The following HK1 variants were observed in gnomAD, a reference collection of about 807,000 sequenced individuals.
The protein encoded by HK1 is hexokinase-1.
A neutral mutation model predicts 91.6 loss-of-function variants in HK1; 28 were observed. That is an observed-to-expected ratio of 0.31 (90% CI 0.23 to 0.42). The LOEUF (loss-of-function observed/expected upper bound fraction) is 0.42. Ranked by LOEUF, HK1 falls within the 10% of genes least tolerant of loss-of-function variation. The pLI is 1.00. For missense variants in HK1, 770 were observed against 1,219.8 expected (o/e 0.63, Z 5.49); for synonymous variants, 430 against 468.1 (o/e 0.92, Z 1.05).
chr10:69,331,874 G>T (rs1039997070), intron 1 of HK1, among the ~76,000 whole-genome samples: 3 of 149,606 alleles, frequency 2.0e-5, no homozygotes, highest in Non-Finnish European at 4.4e-5. Flanking sequence ...CCAAGACCTT[G>T]TCTCAAAAAA....
chr10:69,296,681 A>G (rs936693282), intron 4 of HK1, among the ~76,000 whole-genome samples: 1 of 152,088 alleles, frequency 6.6e-6, no homozygotes, highest in African/African-American at 2.4e-5. Context: ...TCAGGCGAGG[A>G]AGGGCATTTC....
chr10:69,276,119 A>AAAAATATATATG lies in HK1; in HGVS notation c.-391+6011_-391+6012insAAAATATATATG, dbSNP rs1844448552. 1.3e-4 allele frequency among the ~76,000 whole-genome samples: 2 copies of AAAAATATATATG among 15,882 alleles called. 1 individual carries two copies. Among genetic ancestry groups the AAAAATATATATG allele is most frequent in the Non-Finnish European group, 2.3e-4 (2 of 8,844 alleles). The allele number at this position is 15,882 out of a possible 152,430, so 10.4% of individuals were successfully genotyped here. On this transcript the variant is annotated intron_variant, in intron 1 of 21. Transcript: ENST00000360289. ...AAAAAAAAAAAAAAAAAAAAAAAAAATACATATATATATATATATACACAT... is the reference window on the plus strand; with the variant it reads ...AAAAAAAAAAAAAAAAAAAAAAAAAAAAAATATATATGTACATATATATATATATATACACAT...
At chr10:69,300,867 T>G in intron 5 of HK1, 1 of 1,365,260 alleles carries the variant, frequency 7.3e-7, no homozygotes, top group Non-Finnish European at 1.0e-6. Flanking sequence ...ATTTTGTACG[T>G]AGAAAATCCT....
At chr10:69,361,092 C>T (rs1317684939) in intron 3 of HK1, among the ~76,000 whole-genome samples, 1 of 152,230 alleles carries the variant, frequency 6.6e-6, no homozygotes, top group African/African-American at 2.4e-5. Flanking sequence ...TGGAGCAAGC[C>T]ACCAAGCCTT....
At chr10:69,395,141 C>G (rs774264347) in intron 16 of HK1, 36 bp downstream of exon 16, 2 of 1,605,964 alleles carry the variant, frequency 1.2e-6, no homozygotes, top group South Asian at 2.2e-5. Flanking sequence ...AGCGCCCACC[C>G]TTCAGAGGTC....
At chr10:69,357,027 A>G (rs1171514764) in intron 2 of HK1, among the ~76,000 whole-genome samples, 1 of 152,242 alleles carries the variant, frequency 6.6e-6, no homozygotes, top group Non-Finnish European at 1.5e-5. Context: ...CAAATTGATA[A>G]AGAAGTCAGA....
chr10:69,341,924 G>A (rs1848311144), intron 1 of HK1, among the ~76,000 whole-genome samples: 1 of 152,166 alleles, frequency 6.6e-6, no homozygotes, highest in African/African-American at 2.4e-5. Context: ...TAGGTGGGTG[G>A]ATCACTTGAG....
chr10:69,376,480 G>A (rs1322015108), intron 7 of HK1, among the ~76,000 whole-genome samples: 1 of 152,082 alleles, frequency 6.6e-6, no homozygotes, highest in East Asian at 1.9e-4. Flanking sequence ...CTCTAGCCTG[G>A]GCGACAGTGA....
intron 1 of HK1, among the ~76,000 whole-genome samples, chr10:69,328,576 G>T (rs1409271769): frequency 6.6e-6 from 1 of 152,172 alleles, no homozygotes; most frequent in Admixed American, 6.5e-5. Context: ...GATAGTGAAC[G>T]ATAGAGCCAG....
At chr10:69,338,714 T>TGTG in intron 1 of HK1, 1 of 1,262,430 alleles carries the variant, frequency 7.9e-7, no homozygotes, top group Non-Finnish European at 1.0e-6. Context: ...TGTGTGTAAG[T>TGTG]ACTTGTGTGT....
At chr10:69,341,400 A>G (rs2132671768) in intron 1 of HK1, among the ~76,000 whole-genome samples, 1 of 151,548 alleles carries the variant, frequency 6.6e-6, no homozygotes, top group Non-Finnish European at 1.5e-5. Flanking sequence ...GCCCCAAGCA[A>G]TCTGCCTGCC....
At chr10:69,306,333 G>A (rs186596669) in intron 5 of HK1, among the ~76,000 whole-genome samples, 43 of 151,644 alleles carry the variant, frequency 2.8e-4, no homozygotes, top group South Asian at 1.5e-3. Context: ...ACTGCAGCCC[G>A]GGCGACAGAG....
At chr10:69,337,783 C>T (rs920916309) in intron 1 of HK1, among the ~76,000 whole-genome samples, 1 of 152,174 alleles carries the variant, frequency 6.6e-6, no homozygotes, top group Non-Finnish European at 1.5e-5. Flanking sequence ...TCGATCCTCA[C>T]GGGAGGGTGG....
chr10:69,318,764 C>T, upstream of HK1: 1 of 1,223,134 alleles, frequency 8.2e-7, no homozygotes, highest in Non-Finnish European at 1.1e-6. Context: ...TGTCACCCTC[C>T]AGGGGACGGG....
intron 3 of HK1, among the ~76,000 whole-genome samples, chr10:69,290,172 A>T (rs185890727): frequency 7.6e-4 from 115 of 152,196 alleles, no homozygotes; most frequent in African/African-American, 2.7e-3. Flanking sequence ...ATACTAACTG[A>T]GTGCCCTGAG....
intron 3 of HK1, among the ~76,000 whole-genome samples, chr10:69,293,512 G>A (rs1315955398): frequency 6.6e-6 from 1 of 152,202 alleles, no homozygotes; most frequent in African/African-American, 2.4e-5. Flanking sequence ...CTTTTGCTAT[G>A]TGTGTGGTGT....
intron 1 of HK1, among the ~76,000 whole-genome samples, chr10:69,280,737 T>C (rs560493495): frequency 1.3e-5 from 2 of 152,298 alleles, no homozygotes; most frequent in East Asian, 3.9e-4. Context: ...ATCTTGGATT[T>C]GCCAGCCTCC....
At chr10:69,397,866 C>T (rs190393526) in intron 16 of HK1, among the ~76,000 whole-genome samples, 7 of 152,266 alleles carry the variant, frequency 4.6e-5, no homozygotes, top group African/African-American at 1.7e-4. Context: ...ATCATCCTCA[C>T]TAATAGAGAA....
intron 10 of HK1, among the ~76,000 whole-genome samples, chr10:69,383,076 G>A (rs137993610): frequency 1.8e-4 from 27 of 152,158 alleles, no homozygotes; most frequent in African/African-American, 6.5e-4. Flanking sequence ...GGTGACACAC[G>A]CCTGTCATCC....
Sources: gnomAD v4.1 joint callset for allele counts (sites outside exome capture counted in the v4.1 genomes callset) on GRCh38, gnomAD v4.1.1 for gene constraint, MANE v1.5 for transcripts, NCBI Gene and HGNC (gene_info 2026-07-23, HGNC 2026-07-21) for gene names.